Variants in NELL1 observed in about 807,000 individuals in gnomAD.
The protein encoded by NELL1 is neural EGFL like 1.
A neutral mutation model predicts 107.4 loss-of-function variants in NELL1; 76 were observed. The observed-to-expected ratio is 0.71, with a 90% confidence interval of 0.59 to 0.86. The LOEUF is 0.86. NELL1 is among the 40% of genes least tolerant of loss of function. The pLI, the probability that NELL1 is intolerant of heterozygous loss-of-function variation, is 0.00. For missense variants in NELL1, 1,024 were observed against 1,005.5 expected (o/e 1.02, Z -0.25); for synonymous variants, 353 against 341.2 (o/e 1.03, Z -0.38).
rs59022976 is a variant in NELL1, at chr11:21,459,357, C to CAAAAAAAAA, written c.1646-75012_1646-75004dup. 3.8e-3 allele frequency among the ~76,000 whole-genome samples: 477 copies of CAAAAAAAAA among 124,514 alleles called. 9 individuals carry two copies. The highest frequency in any genetic ancestry group is 0.011 in the African/African-American group (349 of 32,318). 81.7% of individuals were successfully genotyped at this position (124,514 alleles called of 152,430 possible). On this transcript the variant is annotated intron_variant, in intron 15 of 19. Coordinates refer to ENST00000357134, the MANE Select transcript of NELL1 (RefSeq NM_006157.5). ...TGAAAAGTTACAGTGTGTTCACTAG[C>CAAAAAAAAA]AAAAAAAAAAAAAGTAGGATTTGAA...
intron 15 of NELL1, among the ~76,000 whole-genome samples, chr11:21,467,024 C>T (rs939734321): frequency 6.6e-6 from 1 of 152,046 alleles, no homozygotes; most frequent in African/African-American, 2.4e-5. Context: ...TTTTGATATA[C>T]ACTGTATTTT....
chr11:21,331,299 G>C (rs1397508448), intron 14 of NELL1, among the ~76,000 whole-genome samples: 1 of 151,260 alleles, frequency 6.6e-6, no homozygotes, highest in African/African-American at 2.4e-5. Context: ...CTTTTTTTTA[G>C]AACAGTAGGC....
intron 5 of NELL1, among the ~76,000 whole-genome samples, chr11:20,909,903 C>G (rs1053658767): frequency 1.3e-5 from 2 of 152,182 alleles, no homozygotes; most frequent in African/African-American, 4.8e-5. Flanking sequence ...GGAGCACCCT[C>G]TCTTTGCAGG....
At chr11:21,206,407 G>T (rs1857390660) in intron 13 of NELL1, among the ~76,000 whole-genome samples, 2 of 152,044 alleles carry the variant, frequency 1.3e-5, no homozygotes, top group South Asian at 2.1e-4. Context: ...ATTATATCTG[G>T]TGAGACTTTA....
chr11:21,032,502 C>T (rs1852987001), intron 12 of NELL1, among the ~76,000 whole-genome samples: 5 of 152,142 alleles, frequency 3.3e-5, no homozygotes, highest in Admixed American at 3.3e-4. Context: ...GATTCTCTTG[C>T]CTCAGCCTCC....
chr11:21,075,376 A>T (rs1334722919), intron 12 of NELL1, among the ~76,000 whole-genome samples: 3 of 152,116 alleles, frequency 2.0e-5, no homozygotes, highest in Non-Finnish European at 4.4e-5. Context: ...TTATTTACAC[A>T]TGCCTGTTTT....
intron 13 of NELL1, among the ~76,000 whole-genome samples, chr11:21,177,055 CTAAT>C (rs1856728928): frequency 6.6e-6 from 1 of 151,602 alleles, no homozygotes; most frequent in Non-Finnish European, 1.5e-5. Flanking sequence ...TCAAATCAGG[CTAAT>C]TAACATATCT....
intron 15 of NELL1, among the ~76,000 whole-genome samples, chr11:21,419,002 A>G (rs961897705): frequency 6.6e-6 from 1 of 152,134 alleles, no homozygotes; most frequent in African/African-American, 2.4e-5. Context: ...TCACAAGAGC[A>G]GAGAGGGAGG....
At chr11:20,859,158 C>T (rs1486096978) in intron 4 of NELL1, among the ~76,000 whole-genome samples, 5 of 152,212 alleles carry the variant, frequency 3.3e-5, no homozygotes, top group Non-Finnish European at 5.9e-5. Flanking sequence ...ACCCTTCCAA[C>T]AGCAGCTGCA....
intron 15 of NELL1, among the ~76,000 whole-genome samples, chr11:21,390,852 C>A (rs1851858954): frequency 2.0e-5 from 3 of 151,654 alleles, no homozygotes; most frequent in Non-Finnish European, 2.9e-5. Flanking sequence ...TAAATTTTTC[C>A]AGAACATTCT....
At position 21,229,464 on chromosome 11, in the gene NELL1, C is replaced by T; in HGVS notation, c.1549+10C>T. 6.2e-7 allele frequency: 1 copy of T among 1,613,244 alleles called. No homozygotes were observed. Reference sequence around the variant, plus strand: ...GGGACCATCTGCAGAGGTAGGCTTGCCGCCTTAGTGTTGAGTTGTGAGCAG... The same window carrying T: ...GGGACCATCTGCAGAGGTAGGCTTGTCGCCTTAGTGTTGAGTTGTGAGCAG... On this transcript the variant is annotated intron_variant, in intron 14 of 19. Coordinates refer to ENST00000357134, the MANE Select transcript of NELL1 (RefSeq NM_006157.5).
intron 13 of NELL1, among the ~76,000 whole-genome samples, chr11:21,183,550 CT>C (rs1485480575): frequency 2.0e-5 from 3 of 151,772 alleles, no homozygotes; most frequent in Non-Finnish European, 2.9e-5. Context: ...TCCCCCTCCC[CT>C]GGTGAGATTA....
intron 14 of NELL1, among the ~76,000 whole-genome samples, chr11:21,262,155 C>G (rs995940179): frequency 6.6e-6 from 1 of 151,816 alleles, no homozygotes; most frequent in Non-Finnish European, 1.5e-5. Flanking sequence ...AATTAATCCT[C>G]AAACTCCCTC....
intron 14 of NELL1, among the ~76,000 whole-genome samples, chr11:21,288,342 A>T (rs1012509407): frequency 3.3e-5 from 5 of 152,182 alleles, no homozygotes; most frequent in Non-Finnish European, 7.3e-5. Context: ...TTCCTGAGAA[A>T]ATGTCTGTAC....
At chr11:20,908,612 C>T (rs1850057564) in intron 5 of NELL1, among the ~76,000 whole-genome samples, 1 of 152,036 alleles carries the variant, frequency 6.6e-6, no homozygotes, top group Non-Finnish European at 1.5e-5. Context: ...ATCAAGCCCC[C>T]ATGGCACACG....
Position 20,669,607 on chromosome 11 carries a change from T to TC in NELL1, c.-112dup, listed in dbSNP as rs1437377846. The stretch of plus-strand genomic sequence containing the variant: ...CAGCACCCGGCGCTGCCGAGCCACC[T>TC]CCCCCGCCGCCCGCTAGCAAGTTTG... On this transcript the variant is annotated 5_prime_UTR_variant, in exon 1 of 20. Coordinates refer to ENST00000357134, the MANE Select transcript of NELL1 (RefSeq NM_006157.5). The surrounding 1 kb of genome is among the most constrained non-coding windows in gnomAD (Gnocchi z 4.4). 6.0e-6 allele frequency: 5 copies of TC among 838,740 alleles called. No homozygotes were observed. The highest frequency in any genetic ancestry group is 1.7e-5 in the African/African-American group (1 of 57,462). 52.0% of individuals were successfully genotyped at this position (838,740 alleles called of 1,614,324 possible).
intron 15 of NELL1, among the ~76,000 whole-genome samples, chr11:21,374,414 T>G (rs1239528422): frequency 6.6e-6 from 1 of 151,996 alleles, no homozygotes; most frequent in East Asian, 1.9e-4. Context: ...CTCCACAGGC[T>G]ACGTGAGAGG....
At chr11:21,523,440 A>G (rs559479845) in intron 15 of NELL1, among the ~76,000 whole-genome samples, 1 of 152,262 alleles carries the variant, frequency 6.6e-6, no homozygotes, top group Admixed American at 6.5e-5. Flanking sequence ...AATGCCTATG[A>G]GATTCCCCAG....
At chr11:20,812,988 G>A (rs537844440) in intron 3 of NELL1, among the ~76,000 whole-genome samples, 1 of 109,542 alleles carries the variant, frequency 9.1e-6, no homozygotes, top group South Asian at 3.4e-4. Flanking sequence ...CAGCCTGGGC[G>A]ACAGCGAGAC....
Sources: gnomAD v4.1 joint callset for allele counts (sites outside exome capture counted in the v4.1 genomes callset) on GRCh38, gnomAD v4.1.1 for gene constraint, Gnocchi (gnomAD v3.1) non-coding constraint, MANE v1.5 for transcripts, NCBI Gene and HGNC (gene_info 2026-07-23, HGNC 2026-07-21) for gene names.